Variants in ATP2A2 observed in about 807,000 individuals in gnomAD.
The protein encoded by ATP2A2 is ATPase sarcoplasmic/endoplasmic reticulum Ca2+ transporting 2, also known as sarcoplasmic/endoplasmic reticulum calcium ATPase 2.
Under a neutral mutation model 109.3 loss-of-function variants are expected in ATP2A2, and 14 were observed. The ratio of observed to expected loss-of-function variants is 0.13; its 90% CI spans 0.08 to 0.20. The LOEUF (loss-of-function observed/expected upper bound fraction) is 0.20. Ranked by LOEUF, ATP2A2 falls within the 10% of genes least tolerant of loss-of-function variation. The probability of loss-of-function intolerance (pLI) is 1.00; values close to 1 mark genes in which losing one functional copy is unlikely to be tolerated. For missense variants in ATP2A2, 657 were observed against 1,321.6 expected, an observed-to-expected ratio of 0.50 and a Z score of 7.80; for synonymous variants, 506 against 490.9, an observed-to-expected ratio of 1.03 and a Z score of -0.41.
chr12:110,324,322 C>T (rs899904958), intron 6 of ATP2A2, among the ~76,000 whole-genome samples: 3 of 152,096 alleles, frequency 2.0e-5, no homozygotes, highest in Admixed American at 1.3e-4. Context: ...TTAGCAACAA[C>T]AAGCTGGAGG....
Position 110,342,175 on chromosome 12 carries a change from G to T in ATP2A2, c.2098-53G>T. 5.0e-6 allele frequency: 8 copies of T among 1,594,616 alleles called. No individual in the cohort carries two copies. Among genetic ancestry groups the T allele is most frequent in the Non-Finnish European group, 6.0e-6 (7 of 1,162,324 alleles). On this transcript the variant is annotated intron_variant, in intron 14 of 19. Coordinates refer to ENST00000539276, the MANE Select transcript of ATP2A2 (RefSeq NM_170665.4). The surrounding 1 kb of genome is among the most constrained non-coding windows in gnomAD (Gnocchi z 4.6). ...CCCATTCAGTGGGCTTTTGCCTAGG[G>T]GTATGAATGTGGCATGCCAGTTGGC...
chr12:110,286,931 C>T (rs372868191), intron 3 of ATP2A2, among the ~76,000 whole-genome samples: 6 of 152,232 alleles, frequency 3.9e-5, no homozygotes, highest in South Asian at 2.1e-4. Flanking sequence ...TACAGCAGAA[C>T]GTGCTTTTTA....
intron 16 of ATP2A2, 77 bp from the exon 17 acceptor site, chr12:110,344,809 G>T: frequency 7.2e-7 from 1 of 1,387,216 alleles, no homozygotes; most frequent in Non-Finnish European, 1.0e-6. Context: ...CGTCCTTGTG[G>T]GGACTGGCCT....
In ATP2A2 at chr12:110,347,103, A is replaced by ATCAG. The variant is rs1264471624; in HGVS notation, c.*635_*638dup. On this transcript the variant is annotated 3_prime_UTR_variant, in exon 20 of 20. Coordinates refer to ENST00000539276, the MANE Select transcript of ATP2A2 (RefSeq NM_170665.4). ...GATTGTGATGGTTCGTTCTGTTTAC[A>ATCAG]TCAGTTTTAACGAGAGGTATGCCTG... The ATCAG allele has an allele frequency of 9.0e-7, 1 of 1,105,028 alleles. No homozygotes were observed. Among genetic ancestry groups the ATCAG allele is most frequent in the Non-Finnish European group, 1.1e-6 (1 of 910,076 alleles). The allele number at this position is 1,105,028 out of a possible 1,614,324, so 68.5% of individuals were successfully genotyped here. A position where few individuals can be genotyped will look rare whatever the true frequency, so the allele number is the denominator to read the frequency against.
At chr12:110,301,903 TAG>T (rs1874688613) in intron 5 of ATP2A2, among the ~76,000 whole-genome samples, 2 of 152,196 alleles carry the variant, frequency 1.3e-5, no homozygotes, top group South Asian at 2.1e-4. Flanking sequence ...GCAAATTTTA[TAG>T]AGTTTATTAA....
chr12:110,349,123 GGC>G lies in ATP2A2; in HGVS notation c.*2654_*2655del. On this transcript the variant is annotated 3_prime_UTR_variant, in exon 20 of 20. Coordinates refer to ENST00000539276, the MANE Select transcript of ATP2A2 (RefSeq NM_170665.4). ...GGTCCAGACAGCTGGGAGTGGGTTA[GGC>G]CCACTGCTGTTTTGAGCAGGGCCAC... 2 of 985,500 alleles carry G rather than the reference GGC, an allele frequency of 2.0e-6. No homozygotes were observed. The highest frequency in any genetic ancestry group is 2.4e-6 in the Non-Finnish European group (2 of 829,980). The allele number at this position is 985,500 out of a possible 1,614,324, so 61.0% of individuals were successfully genotyped here.
intron 5 of ATP2A2, among the ~76,000 whole-genome samples, chr12:110,304,537 G>A (rs1875051391): frequency 6.6e-6 from 1 of 152,170 alleles, no homozygotes; most frequent in Admixed American, 6.5e-5. Flanking sequence ...TCTTAATGAT[G>A]TTGGGCATCT....
intron 5 of ATP2A2, among the ~76,000 whole-genome samples, chr12:110,308,622 A>G (rs542935259): frequency 3.9e-5 from 6 of 152,234 alleles, no homozygotes; most frequent in Non-Finnish European, 7.3e-5. Context: ...TATTAAGACT[A>G]TACACGTTGA....
chr12:110,282,140 G>A (rs1326791815), intron 1 of ATP2A2, among the ~76,000 whole-genome samples: 1 of 152,174 alleles, frequency 6.6e-6, no homozygotes, highest in Non-Finnish European at 1.5e-5. Flanking sequence ...GCAAGGCTCG[G>A]AGGCTTCTCT....
chr12:110,310,668 A>G (rs187273209), intron 5 of ATP2A2, among the ~76,000 whole-genome samples: 413 of 152,322 alleles, frequency 2.7e-3, no homozygotes, highest in African/African-American at 8.9e-3. Flanking sequence ...TTAAAATTGC[A>G]TTTGCTTTAG....
At position 110,350,344 on chromosome 12, in the gene ATP2A2, C is replaced by T. The variant is rs149534855; in HGVS notation, c.*3874C>T. On this transcript the variant is annotated 3_prime_UTR_variant, in exon 20 of 20. Coordinates refer to ENST00000539276, the MANE Select transcript of ATP2A2 (RefSeq NM_170665.4). Reference sequence around the variant, plus strand: ...CATTTTGCAGAAATGTAAGGGTGTTCGGTTGCGTGCATGTGCGTTTTTAGC... The same window carrying T: ...CATTTTGCAGAAATGTAAGGGTGTTTGGTTGCGTGCATGTGCGTTTTTAGC... 12 of 1,614,114 alleles carry T rather than the reference C, an allele frequency of 7.4e-6. No homozygotes were observed. The East Asian group carries it at 1.1e-4, about 15-fold the overall frequency.
Position 110,350,127 on chromosome 12 carries a change from A to C in ATP2A2, c.*3657A>C. On this transcript the variant is annotated 3_prime_UTR_variant, in exon 20 of 20. Coordinates refer to ENST00000539276, the MANE Select transcript of ATP2A2 (RefSeq NM_170665.4). ...CTAGATGCTACCCTGTGTGGGCGGC[A>C]CCTCAGGGACAGTAAATCAGAAATG... 1 of 1,514,778 alleles carries C rather than the reference A, an allele frequency of 6.6e-7. No individual in the cohort carries two copies. Among genetic ancestry groups the C allele is most frequent in the Non-Finnish European group, 8.8e-7 (1 of 1,133,506 alleles). The allele number at this position is 1,514,778 out of a possible 1,614,324, so 93.8% of individuals were successfully genotyped here.
rs528087740 is a variant in ATP2A2 at position 110,345,581 on chromosome 12, C to G, written c.2741+199C>G. 43 of 828,148 alleles carry G rather than the reference C, an allele frequency of 5.2e-5. 1 individual carries two copies. In the South Asian group the frequency reaches 6.7e-4, roughly 13 times the overall value. 51.3% of individuals were successfully genotyped at this position (828,148 alleles called of 1,614,324 possible). A position where few individuals can be genotyped will look rare whatever the true frequency, so the allele number is the denominator to read the frequency against. ...AGTGGGAGTGCTTAGCCCTGTGTTTCTTAGGAGCTCTTCCTTAAAAGAAAC... is the reference window on the plus strand; with the variant it reads ...AGTGGGAGTGCTTAGCCCTGTGTTTGTTAGGAGCTCTTCCTTAAAAGAAAC... On this transcript the variant is annotated intron_variant, in intron 18 of 19. Transcript: ENST00000539276.
intron 1 of ATP2A2, among the ~76,000 whole-genome samples, chr12:110,282,149 C>T (rs949765567): frequency 3.3e-5 from 5 of 152,186 alleles, no homozygotes; most frequent in Non-Finnish European, 7.3e-5. Context: ...GGAGGCTTCT[C>T]TCCAGCAGCA....
intron 5 of ATP2A2, 142 bp downstream of exon 5, chr12:110,296,879 A>T: frequency 9.9e-7 from 1 of 1,007,392 alleles, no homozygotes; most frequent in Non-Finnish European, 1.5e-6. Flanking sequence ...CAAATCCTAC[A>T]TTCTCTAAAA....
At position 110,340,841 on chromosome 12, in the gene ATP2A2, G is replaced by T; in HGVS notation, c.1944G>T (p.Thr648=). The T allele has an allele frequency of 6.2e-7, 1 of 1,614,228 alleles. No individual in the cohort carries two copies. The highest frequency in any genetic ancestry group is 8.5e-7 in the Non-Finnish European group (1 of 1,180,038). ...IGIFGQDEDV[T]SKAFTGREFD... ...TCTTCGGGCAGGATGAGGACGTGAC[G>T]TCAAAAGCTTTCACAGGCCGGGAGT... is the stretch of plus-strand genomic sequence containing the variant. The change falls in exon 14 of 20, where the codon ACG becomes ACT. Residue 648 remains threonine, a synonymous_variant. Transcript: ENST00000539276. This position sits in a 1 kb window ranked among gnomAD's most constrained non-coding sequence, Gnocchi z 6.0.
chr12:110,293,824 ATATGTG>A lies in ATP2A2; in HGVS notation c.324+1702_324+1707del, dbSNP rs1371975078. Among the ~76,000 whole-genome samples, 124 of 126,428 alleles carry A rather than the reference ATATGTG, an allele frequency of 9.8e-4. 1 individual carries two copies. The highest frequency in any genetic ancestry group is 1.5e-3 in the Non-Finnish European group (96 of 63,812). 82.9% of individuals were successfully genotyped at this position (126,428 alleles called of 152,430 possible). On this transcript the variant is annotated intron_variant, in intron 4 of 19. Transcript: ENST00000539276. ...TTAGAGATTTGTAATTGTGCCATAT[ATATGTG>A]TGTGTGTGTGTGTGTGTGTGTGTGT...
rs975780334 is a variant in ATP2A2, at chr12:110,300,740, C to G, written c.463+4003C>G. ...GCTCAAGCGATCCTCCTCCTCCTGC[C>G]TTGGCCTTCCAAAGTGTTGTAATTA... On this transcript the variant is annotated intron_variant, in intron 5 of 19. Coordinates refer to ENST00000539276, the MANE Select transcript of ATP2A2 (RefSeq NM_170665.4). Among the ~76,000 whole-genome samples the G allele has an allele frequency of 2.0e-5, 3 of 151,316 alleles. No homozygotes were observed. The South Asian group carries it at 6.3e-4, about 32-fold the overall frequency.
chr12:110,293,541 C>T (rs918767324), intron 4 of ATP2A2, among the ~76,000 whole-genome samples: 14 of 151,370 alleles, frequency 9.2e-5, no homozygotes, highest in African/African-American at 4.9e-5. Flanking sequence ...ATTACAGGCA[C>T]GTGCCACCAT....
Sources: allele counts gnomAD v4.1 joint callset (sites outside exome capture counted in the v4.1 genomes callset), GRCh38; gene constraint gnomAD v4.1.1; non-coding constraint Gnocchi (gnomAD v3.1); transcripts MANE v1.5; gene names NCBI Gene and HGNC (gene_info 2026-07-23, HGNC 2026-07-21).